Variants in VANGL1 observed in about 807,000 individuals in gnomAD.
VANGL1 encodes vang-like protein 1.
Under a neutral mutation model 48.4 loss-of-function variants are expected in VANGL1, and 18 were observed. The ratio of observed to expected loss-of-function variants is 0.37; its 90% CI spans 0.26 to 0.55. The LOEUF (loss-of-function observed/expected upper bound fraction) is 0.55. Among genes scored for constraint, VANGL1 ranks in the 20% least tolerant of loss-of-function variants. The pLI is 0.81. For missense variants in VANGL1, 667 were observed against 675.8 expected, an observed-to-expected ratio of 0.99 and a Z score of 0.14; for synonymous variants, 257 against 261.8, an observed-to-expected ratio of 0.98 and a Z score of 0.18.
intron 4 of VANGL1, among the ~76,000 whole-genome samples, chr1:115,667,733 C>A (rs1217680922): frequency 1.3e-5 from 2 of 152,226 alleles, no homozygotes; most frequent in Non-Finnish European, 2.9e-5. Context: ...CAATAAGTTG[C>A]TAACTTTTCC....
intron 1 of VANGL1, chr1:115,642,801 G>A (rs1484634346): frequency 6.6e-6 from 1 of 152,264 alleles, no homozygotes. Flanking sequence ...TCACCGCGCC[G>A]GGGCAGCCTT....
chr1:115,649,343 G>A (rs1293608762), intron 1 of VANGL1, among the ~76,000 whole-genome samples: 1 of 152,124 alleles, frequency 6.6e-6, no homozygotes, highest in African/African-American at 2.4e-5. Context: ...TTTATGGATT[G>A]GGAAGTCTCT....
At position 115,664,787 on chromosome 1, in the gene VANGL1, G is replaced by A. The variant is rs185281564; in HGVS notation, c.812+519G>A. Among the ~76,000 whole-genome samples, 273 of 152,284 alleles carry A rather than the reference G, an allele frequency of 1.8e-3. 1 individual carries two copies. The highest frequency in any genetic ancestry group is 5.9e-3 in the African/African-American group (246 of 41,560). On this transcript the variant is annotated intron_variant, in intron 4 of 7. Transcript: ENST00000355485. ...CAAGTGCAGGTTAGAGACTCCAAAT[G>A]TGTAATCCTTGAGTGTTGTGAAAAT...
Position 115,659,925 on chromosome 1 carries a change from G to A in VANGL1, c.204+152G>A. The A allele has an allele frequency of 1.8e-6, 2 of 1,131,182 alleles. 1 individual carries two copies. Among genetic ancestry groups the A allele is most frequent in the South Asian group, 2.7e-5 (2 of 74,210 alleles). 70.1% of individuals were successfully genotyped at this position (1,131,182 alleles called of 1,614,324 possible). ...TCCCATGGTCTCTTGTTGGTCTAAGGACAGCCTGTCCTGCCCTTTGGTAGC... is the reference window on the plus strand; with the variant it reads ...TCCCATGGTCTCTTGTTGGTCTAAGAACAGCCTGTCCTGCCCTTTGGTAGC... On this transcript the variant is annotated intron_variant, in intron 3 of 7. Transcript: ENST00000355485.
intron 3 of VANGL1, among the ~76,000 whole-genome samples, chr1:115,660,195 G>A (rs1228169161): frequency 1.3e-5 from 2 of 152,190 alleles, no homozygotes; most frequent in Non-Finnish European, 2.9e-5. Context: ...ACGCTCAGAT[G>A]CCTGGTAGAG....
At position 115,693,143 on chromosome 1, in the gene VANGL1, A is replaced by G. The variant is rs1046933216; in HGVS notation, c.*1764A>G. 2 of 152,646 alleles carry G rather than the reference A, an allele frequency of 1.3e-5. No individual in the cohort carries two copies. Among genetic ancestry groups the G allele is most frequent in the Non-Finnish European group, 2.9e-5 (2 of 68,044 alleles). 9.5% of individuals were successfully genotyped at this position (152,646 alleles called of 1,614,324 possible). ...TAGGTGTGGCGTGGAGCCAAGATGT[A>G]CTATTCAACTATGTGTTTCTGTTTA... On this transcript the variant is annotated 3_prime_UTR_variant, in exon 8 of 8. Transcript: ENST00000355485.
chr1:115,642,028 A>G lies in VANGL1; in HGVS notation c.-196A>G, dbSNP rs1054421809. On this transcript the variant is annotated 5_prime_UTR_variant, in exon 1 of 8. Transcript: ENST00000355485. Reference sequence around the variant, plus strand: ...TCCAGGAGCCCAGCGCAGGCCGCAGAGCCGGGGCCGCTGTGAGCCGAGACC... The same window carrying G: ...TCCAGGAGCCCAGCGCAGGCCGCAGGGCCGGGGCCGCTGTGAGCCGAGACC... 1.3e-5 allele frequency: 2 copies of G among 150,816 alleles called. No homozygotes were observed. Among genetic ancestry groups the G allele is most frequent in the Non-Finnish European group, 3.0e-5 (2 of 67,564 alleles). The allele number at this position is 150,816 out of a possible 1,614,324, so 9.3% of individuals were successfully genotyped here. A position where few individuals can be genotyped will look rare whatever the true frequency, so the allele number is the denominator to read the frequency against.
At chr1:115,690,563 C>G (rs1244406352) in intron 7 of VANGL1, among the ~76,000 whole-genome samples, 1 of 152,230 alleles carries the variant, frequency 6.6e-6, no homozygotes, top group East Asian at 1.9e-4. Context: ...TTCATCCTTA[C>G]GGCAGCCCTG....
Position 115,691,147 on chromosome 1 carries a change from G to C in VANGL1, c.1343G>C (p.Gly448Ala). Residue 448 changes from glycine to alanine, a missense_variant, in exon 8 of 8, where the codon GGC (glycine) becomes GCC (alanine). Coordinates refer to ENST00000355485, the MANE Select transcript of VANGL1 (RefSeq NM_138959.3). ...KAFLERYLSA[G>A]PTLQYDKDRW... ...TTCCTAGAACGGTACCTCAGTGCGGGCCCCACCCTGCAATATGACAAGGAC... is the reference window on the plus strand; with the variant it reads ...TTCCTAGAACGGTACCTCAGTGCGGCCCCCACCCTGCAATATGACAAGGAC... 6.2e-7 allele frequency: 1 copy of C among 1,614,146 alleles called. No homozygotes were observed. The highest frequency in any genetic ancestry group is 1.1e-5 in the South Asian group (1 of 91,082).
At chr1:115,679,984 AGTGTGT>A (rs768501546) in intron 4 of VANGL1, among the ~76,000 whole-genome samples, 2,156 of 137,404 alleles carry the variant, frequency 0.016, 89 homozygotes, top group African/African-American at 0.052. Context: ...CACACCAGGG[AGTGTGT>A]GTGTGTGTGT....
In VANGL1 at chr1:115,688,469, G is replaced by C. The variant is rs1268363255; in HGVS notation, c.1315-2650G>C. ...AGCTGAGTAGTTGTGACAGAATATGGCTTGAAACGCTGAAAATATTTACAT... is the reference window on the plus strand; with the variant it reads ...AGCTGAGTAGTTGTGACAGAATATGCCTTGAAACGCTGAAAATATTTACAT... On this transcript the variant is annotated intron_variant, in intron 7 of 7. Coordinates refer to ENST00000355485, the MANE Select transcript of VANGL1 (RefSeq NM_138959.3). 1.4e-5 allele frequency among the ~76,000 whole-genome samples: 2 copies of C among 138,860 alleles called. 1 individual carries two copies. Among genetic ancestry groups the C allele is most frequent in the African/African-American group, 5.4e-5 (2 of 36,984 alleles). 91.1% of individuals were successfully genotyped at this position (138,860 alleles called of 152,430 possible).
intron 4 of VANGL1, among the ~76,000 whole-genome samples, chr1:115,681,668 C>T (rs540108248): frequency 4.0e-4 from 61 of 151,984 alleles, no homozygotes; most frequent in Admixed American, 1.3e-3. Context: ...CACTACACCC[C>T]GGTAATTTTT....
At chr1:115,683,035 G>A (rs1222228888) in intron 5 of VANGL1, among the ~76,000 whole-genome samples, 27 of 152,130 alleles carry the variant, frequency 1.8e-4, no homozygotes. Context: ...ATTTCTTCCT[G>A]GGTATGTTGG....
chr1:115,682,309 G>A (rs1653423354), intron 4 of VANGL1, 55 bp from the exon 5 acceptor site: 1 of 1,608,270 alleles, frequency 6.2e-7, no homozygotes, highest in African/African-American at 1.3e-5. Flanking sequence ...TTTTCGTTTA[G>A]GACCTGCTTC....
In VANGL1 at chr1:115,672,909, C is replaced by T. The variant is rs1261443342; in HGVS notation, c.812+8641C>T. Among the ~76,000 whole-genome samples, 4 of 152,144 alleles carry T rather than the reference C, an allele frequency of 2.6e-5. No individual in the cohort carries two copies. In the East Asian group the frequency reaches 5.8e-4, roughly 22 times the overall value. Reference sequence around the variant, plus strand: ...ACTGTCAGACTGAAGTCATTTATCTCCAAGTGTGGGGAGCAGTGAAGCCCA... The same window carrying T: ...ACTGTCAGACTGAAGTCATTTATCTTCAAGTGTGGGGAGCAGTGAAGCCCA... On this transcript the variant is annotated intron_variant, in intron 4 of 7. Transcript: ENST00000355485.
At position 115,659,538 on chromosome 1, in the gene VANGL1, TG is replaced by T; in HGVS notation, c.72-102del. On this transcript the variant is annotated intron_variant, in intron 2 of 7. Coordinates refer to ENST00000355485, the MANE Select transcript of VANGL1 (RefSeq NM_138959.3). ...GTGTGTGTGTGTGTGTGTGTGTGTG[TG>T]TATGTAGAATTTCCCTAAATTCAAA... is the stretch of plus-strand genomic sequence containing the variant. The T allele has an allele frequency of 2.9e-6, 4 of 1,378,920 alleles. No individual in the cohort carries two copies. In the South Asian group the frequency reaches 4.7e-5, roughly 16 times the overall value. The allele number at this position is 1,378,920 out of a possible 1,614,324, so 85.4% of individuals were successfully genotyped here. A position where few individuals can be genotyped will look rare whatever the true frequency, so the allele number is the denominator to read the frequency against.
rs1287960008 is a variant in VANGL1 at position 115,692,572 on chromosome 1, T to TG, written c.*1195dup. ...GCTGATAAAGTGGGGAGAAGGAAAA[T>TG]GGACACTCTACAGAGTTTGGGGAAG... On this transcript the variant is annotated 3_prime_UTR_variant, in exon 8 of 8. Coordinates refer to ENST00000355485, the MANE Select transcript of VANGL1 (RefSeq NM_138959.3). 6.5e-6 allele frequency: 1 copy of TG among 152,702 alleles called. No homozygotes were observed. Among genetic ancestry groups the TG allele is most frequent in the Non-Finnish European group, 1.5e-5 (1 of 68,106 alleles). 9.5% of individuals were successfully genotyped at this position (152,702 alleles called of 1,614,324 possible). A position where few individuals can be genotyped will look rare whatever the true frequency, so the allele number is the denominator to read the frequency against.
At chr1:115,661,777 C>T (rs1334569778) in intron 3 of VANGL1, among the ~76,000 whole-genome samples, 2 of 152,036 alleles carry the variant, frequency 1.3e-5, no homozygotes, top group Non-Finnish European at 2.9e-5. Flanking sequence ...ACCACCACGC[C>T]CAGCTAATTT....
intron 1 of VANGL1, among the ~76,000 whole-genome samples, chr1:115,648,618 AC>A (rs1652025530): frequency 6.6e-6 from 1 of 152,230 alleles, no homozygotes; most frequent in African/African-American, 2.4e-5. Flanking sequence ...CAGAGACTTT[AC>A]CTTTGCAGTT....
Sources: allele counts gnomAD v4.1 joint callset (sites outside exome capture counted in the v4.1 genomes callset), GRCh38; gene constraint gnomAD v4.1.1; transcripts MANE v1.5; gene names NCBI Gene and HGNC (gene_info 2026-07-23, HGNC 2026-07-21).